The following GALNTL6 variants were observed in gnomAD, a reference collection of about 807,000 sequenced individuals.
The protein encoded by GALNTL6 is polypeptide N-acetylgalactosaminyltransferase-like 6.
A neutral mutation model predicts 73.7 loss-of-function variants in GALNTL6; 46 were observed. The observed-to-expected ratio is 0.62, with a 90% CI of 0.49 to 0.80. The LOEUF (loss-of-function observed/expected upper bound fraction) is 0.80, where lower values mean the gene tolerates loss of function less well. Ranked by LOEUF, GALNTL6 falls within the 30% of genes least tolerant of loss-of-function variation. The pLI, the probability that GALNTL6 is intolerant of heterozygous loss-of-function variation, is 0.00. For synonymous variants in GALNTL6, 259 were observed against 263.7 expected (o/e 0.98, Z 0.17); for missense variants, 604 against 755.0 (o/e 0.80, Z 2.34).
At chr4:172,342,791 T>C (rs1265183940) in intron 4 of GALNTL6, among the ~76,000 whole-genome samples, 1 of 152,210 alleles carries the variant, frequency 6.6e-6, no homozygotes, top group Non-Finnish European at 1.5e-5. Flanking sequence ...TGTTTCTGAC[T>C]CTATTCCTTC....
At chr4:172,041,833 C>A (rs1180883200) in intron 2 of GALNTL6, among the ~76,000 whole-genome samples, 1 of 152,016 alleles carries the variant, frequency 6.6e-6, no homozygotes, top group Admixed American at 6.6e-5. Flanking sequence ...CTCTCCTTGA[C>A]TCTGGTCTAG....
intron 2 of GALNTL6, among the ~76,000 whole-genome samples, chr4:172,094,814 C>A (rs2172194): frequency 0.31 from 47,284 of 151,902 alleles, 7,930 homozygotes; most frequent in Non-Finnish European, 0.38. Flanking sequence ...TCTTGAAGAG[C>A]TGCTTTCAAG....
intron 5 of GALNTL6, among the ~76,000 whole-genome samples, chr4:172,672,645 G>T (rs1579317931): frequency 5.1e-5 from 1 of 19,658 alleles, no homozygotes; most frequent in African/African-American, 1.4e-4. Flanking sequence ...GTCTGGTCCT[G>T]GGCTTTTTGT....
intron 3 of GALNTL6, among the ~76,000 whole-genome samples, chr4:172,276,995 G>A (rs185192623): frequency 7.2e-5 from 11 of 152,038 alleles, no homozygotes; most frequent in Admixed American, 1.3e-4. Context: ...ATCTTGAAAC[G>A]CTCCTTTTCC....
chr4:171,850,754 C>T (rs1188374063), intron 2 of GALNTL6, among the ~76,000 whole-genome samples: 1 of 152,122 alleles, frequency 6.6e-6, no homozygotes, highest in Non-Finnish European at 1.5e-5. Flanking sequence ...GTCTGACTTC[C>T]TTTCTTATTA....
intron 3 of GALNTL6, among the ~76,000 whole-genome samples, chr4:172,264,063 G>GA (rs1738349662): frequency 1.3e-5 from 2 of 151,506 alleles, no homozygotes; most frequent in Admixed American, 1.3e-4. Flanking sequence ...CAGCTGGGGG[G>GA]GTGTGGATTT....
intron 5 of GALNTL6, among the ~76,000 whole-genome samples, chr4:172,534,726 G>A (rs756007341): frequency 4.6e-5 from 7 of 152,028 alleles, no homozygotes; most frequent in Non-Finnish European, 1.0e-4. Context: ...GCACCACCAT[G>A]CCGGCTAATT....
chr4:172,329,001 G>T (rs1384346567), intron 4 of GALNTL6, among the ~76,000 whole-genome samples: 1 of 152,176 alleles, frequency 6.6e-6, no homozygotes, highest in Non-Finnish European at 1.5e-5. Context: ...TCCTTTAACT[G>T]CTGGGCTGCC....
At chr4:172,429,147 G>T (rs1731337060) in intron 5 of GALNTL6, among the ~76,000 whole-genome samples, 1 of 131,486 alleles carries the variant, frequency 7.6e-6, no homozygotes, top group Non-Finnish European at 1.7e-5. Flanking sequence ...CCTCCCCAAA[G>T]CCCCACCTCT....
intron 3 of GALNTL6, among the ~76,000 whole-genome samples, chr4:172,236,348 A>G (rs1309384321): frequency 6.6e-6 from 1 of 152,084 alleles, no homozygotes; most frequent in Non-Finnish European, 1.5e-5. Flanking sequence ...TCACGAGGTG[A>G]GGAGATCGAG....
chr4:172,482,229 G>T (rs1157937264), intron 5 of GALNTL6, among the ~76,000 whole-genome samples: 2 of 152,202 alleles, frequency 1.3e-5, no homozygotes, highest in African/African-American at 4.8e-5. Context: ...GCTTCATGCA[G>T]CCCTGATTCC....
At chr4:173,026,394 C>T (rs778939606) in intron 12 of GALNTL6, among the ~76,000 whole-genome samples, 1 of 152,126 alleles carries the variant, frequency 6.6e-6, no homozygotes, top group African/African-American at 2.4e-5. Context: ...ATAAATACCC[C>T]AACTCCCTTG....
chr4:172,025,429 A>G (rs565895088), intron 2 of GALNTL6, among the ~76,000 whole-genome samples: 1 of 152,050 alleles, frequency 6.6e-6, no homozygotes, highest in Non-Finnish European at 1.5e-5. Context: ...CACAAAGGCC[A>G]CTGCCTCTGT....
intron 5 of GALNTL6, among the ~76,000 whole-genome samples, chr4:172,724,980 T>A (rs1336278762): frequency 1.3e-5 from 2 of 152,092 alleles, no homozygotes; most frequent in South Asian, 4.2e-4. Context: ...TTCACACAAT[T>A]TTTCACATGC....
At chr4:172,607,730 C>G (rs556029710) in intron 5 of GALNTL6, among the ~76,000 whole-genome samples, 5 of 152,222 alleles carry the variant, frequency 3.3e-5, no homozygotes, top group African/African-American at 9.6e-5. Context: ...TAAATGTTCC[C>G]TTTCCTTTAT....
In GALNTL6 at chr4:172,570,431, C is replaced by T. The variant is rs892435736; in HGVS notation, c.553+221742C>T. On this transcript the variant is annotated intron_variant, in intron 5 of 12. Transcript: ENST00000506823. ...TTCCTCAAAATGCATATGTTGAAGT[C>T]CTAGCCCCTCTACTTCAGACTGGTG... 3.3e-5 allele frequency among the ~76,000 whole-genome samples: 5 copies of T among 152,198 alleles called. No individual in the cohort carries two copies. In the East Asian group the frequency reaches 9.6e-4, roughly 29 times the overall value.
intron 5 of GALNTL6, among the ~76,000 whole-genome samples, chr4:172,764,303 A>C: frequency 6.6e-6 from 1 of 152,368 alleles, no homozygotes; most frequent in East Asian, 1.9e-4. Flanking sequence ...TTTATTACAC[A>C]AGATGAAAAA....
At chr4:171,821,738 T>A (rs1734691302) in intron 2 of GALNTL6, among the ~76,000 whole-genome samples, 1 of 151,844 alleles carries the variant, frequency 6.6e-6, no homozygotes. Context: ...TTAATAAATA[T>A]TTACAGCTGG....
At chr4:172,581,523 C>T (rs1454781186) in intron 5 of GALNTL6, among the ~76,000 whole-genome samples, 1 of 152,238 alleles carries the variant, frequency 6.6e-6, no homozygotes, top group East Asian at 1.9e-4. Flanking sequence ...CTCTTCTCTT[C>T]TACATTTACC....
Sources: allele counts gnomAD v4.1 joint callset (sites outside exome capture counted in the v4.1 genomes callset), GRCh38; gene constraint gnomAD v4.1.1; transcripts MANE v1.5; gene names NCBI Gene and HGNC (gene_info 2026-07-23, HGNC 2026-07-21).